NRG1: variants seen among roughly 807,000 people sequenced by gnomAD.
The protein encoded by NRG1 is pro-neuregulin-1, membrane-bound isoform.
Under a neutral mutation model 63.8 loss-of-function variants are expected in NRG1, and 18 were observed. The observed-to-expected ratio is 0.28, with a 90% CI of 0.19 to 0.42. The LOEUF is 0.42. NRG1 is among the 10% of genes least tolerant of loss of function. The pLI is 1.00. For synonymous variants in NRG1, 302 were observed against 301.3 expected, an observed-to-expected ratio of 1.00 and a Z score of -0.02; for missense variants, 762 against 814.7, an observed-to-expected ratio of 0.94 and a Z score of 0.79.
chr8:31,643,120 G>A (rs1282251531), intron 1 of NRG1, among the ~76,000 whole-genome samples: 2 of 152,052 alleles, frequency 1.3e-5, no homozygotes, highest in Non-Finnish European at 1.5e-5. Flanking sequence ...GAGAGAACTA[G>A]CAAGAGGAAA....
At chr8:31,731,830 T>G (rs1814101578) in intron 1 of NRG1, among the ~76,000 whole-genome samples, 1 of 152,204 alleles carries the variant, frequency 6.6e-6, no homozygotes, top group South Asian at 2.1e-4. Flanking sequence ...AGTTGGCATA[T>G]TGGAACTAGA....
intron 6 of NRG1, among the ~76,000 whole-genome samples, chr8:32,735,391 A>C (rs1470300331): frequency 3.3e-5 from 5 of 152,190 alleles, no homozygotes. Context: ...CTACCCCATA[A>C]ATGTATACAA....
intron 1 of NRG1, among the ~76,000 whole-genome samples, chr8:32,159,754 G>A (rs921434157): frequency 2.6e-5 from 4 of 152,020 alleles, no homozygotes; most frequent in African/African-American, 9.7e-5. Flanking sequence ...AAATTAATCT[G>A]AGTAGTATTA....
chr8:32,380,232 A>G (rs56101456), intron 1 of NRG1, among the ~76,000 whole-genome samples: 2,942 of 152,136 alleles, frequency 0.019, 48 homozygotes, highest in Middle Eastern at 0.086. Context: ...GTCATCTATA[A>G]CACCATATAT....
rs367552905 is a variant in NRG1, at chr8:31,775,271, A to G, written c.37+135840A>G. ...AGAATACAACTCAACCGCAAAACAGAATGAAATCATGTCTTTTGCATCAAC... is the reference window on the plus strand; with the variant it reads ...AGAATACAACTCAACCGCAAAACAGGATGAAATCATGTCTTTTGCATCAAC... On this transcript the variant is annotated intron_variant, in intron 1 of 10. Transcript: ENST00000519301. Among the ~76,000 whole-genome samples the G allele has an allele frequency of 1.1e-4, 16 of 152,346 alleles. 1 individual carries two copies. Among genetic ancestry groups the G allele is most frequent in the African/African-American group, 3.6e-4 (15 of 41,582 alleles).
chr8:32,501,366 C>G (rs1362143671), intron 1 of NRG1, among the ~76,000 whole-genome samples: 1 of 152,074 alleles, frequency 6.6e-6, no homozygotes, highest in Admixed American at 6.6e-5. Flanking sequence ...AAATATAACC[C>G]AGGAATGGTT....
intron 1 of NRG1, among the ~76,000 whole-genome samples, chr8:31,829,360 A>G (rs1824885449): frequency 6.6e-6 from 1 of 152,206 alleles, no homozygotes; most frequent in Non-Finnish European, 1.5e-5. Context: ...TTCAATAAAC[A>G]TGGTGAATTC....
At chr8:32,425,520 A>G (rs1262741423) in intron 1 of NRG1, among the ~76,000 whole-genome samples, 1 of 152,194 alleles carries the variant, frequency 6.6e-6, no homozygotes, top group Admixed American at 6.6e-5. Flanking sequence ...TTTTATAAAT[A>G]AAGTTTTATT....
At chr8:31,770,357 T>G (rs557226719) in intron 1 of NRG1, among the ~76,000 whole-genome samples, 1 of 152,260 alleles carries the variant, frequency 6.6e-6, no homozygotes, top group Non-Finnish European at 1.5e-5. Flanking sequence ...CTGGTAAAAG[T>G]CAAGTTGCTG....
chr8:31,717,463 GC>G (rs1385950073), intron 1 of NRG1, among the ~76,000 whole-genome samples: 1 of 151,294 alleles, frequency 6.6e-6, no homozygotes, highest in East Asian at 1.9e-4. Flanking sequence ...TAACATGGGG[GC>G]CTGGGTGAGA....
In NRG1 at chr8:31,671,590, G is replaced by T. The variant is rs566308001; in HGVS notation, c.37+32159G>T. ...ATAAATCTTCCTTCTTAAAGACAGAGGAGAGGCAAACACAAGTCAAGCTTT... is the reference window on the plus strand; with the variant it reads ...ATAAATCTTCCTTCTTAAAGACAGATGAGAGGCAAACACAAGTCAAGCTTT... On this transcript the variant is annotated intron_variant, in intron 1 of 10. Coordinates refer to the NRG1 transcript ENST00000519301. Among the ~76,000 whole-genome samples the T allele has an allele frequency of 8.5e-5, 13 of 152,276 alleles. No individual in the cohort carries two copies. In the South Asian group the frequency reaches 2.5e-3, roughly 29 times the overall value.
intron 1 of NRG1, among the ~76,000 whole-genome samples, chr8:31,814,878 G>A (rs918828926): frequency 7.3e-5 from 11 of 151,562 alleles, no homozygotes; most frequent in African/African-American, 1.9e-4. Context: ...TACAAATGGT[G>A]CCCCCCTGCA....
chr8:32,279,538 A>C (rs1473748003), intron 1 of NRG1, among the ~76,000 whole-genome samples: 1 of 152,046 alleles, frequency 6.6e-6, no homozygotes, highest in African/African-American at 2.4e-5. Context: ...TTTTTAGTAG[A>C]GATGGGGTTT....
At chr8:32,743,197 A>C (rs1826755812) in intron 7 of NRG1, 21 of 986,452 alleles carry the variant, frequency 2.1e-5, no homozygotes, top group Non-Finnish European at 2.5e-5. Flanking sequence ...AGAATGTGTT[A>C]TTTGTCACAA....
chr8:32,017,838 T>G (rs1290035227), intron 1 of NRG1, among the ~76,000 whole-genome samples: 1 of 152,180 alleles, frequency 6.6e-6, no homozygotes, highest in East Asian at 1.9e-4. Flanking sequence ...TTTTTTGTGT[T>G]TACAGAGGCT....
chr8:31,859,781 G>C (rs1828297496), intron 1 of NRG1, among the ~76,000 whole-genome samples: 1 of 152,188 alleles, frequency 6.6e-6, no homozygotes, highest in Non-Finnish European at 1.5e-5. Context: ...GATGCTAATT[G>C]TCTTTATTCT....
chr8:32,584,348 T>A (rs1315427757), intron 1 of NRG1, among the ~76,000 whole-genome samples: 2 of 152,140 alleles, frequency 1.3e-5, no homozygotes, highest in Non-Finnish European at 2.9e-5. Flanking sequence ...GGGGTAGAAG[T>A]AAAATGATAA....
intron 1 of NRG1, among the ~76,000 whole-genome samples, chr8:32,176,967 C>T (rs1050023163): frequency 6.6e-6 from 1 of 152,152 alleles, no homozygotes; most frequent in African/African-American, 2.4e-5. Context: ...ACCCAGCCAT[C>T]CCATTACTGG....
intron 1 of NRG1, among the ~76,000 whole-genome samples, chr8:31,905,683 C>T (rs2129616175): frequency 6.6e-6 from 1 of 152,020 alleles, no homozygotes; most frequent in Non-Finnish European, 1.5e-5. Flanking sequence ...ATGAGCACCA[C>T]TTTTTATTAT....
Sources: gnomAD v4.1 joint callset for allele counts (sites outside exome capture counted in the v4.1 genomes callset) on GRCh38, gnomAD v4.1.1 for gene constraint, MANE v1.5 for transcripts, NCBI Gene and HGNC (gene_info 2026-07-23, HGNC 2026-07-21) for gene names.